Variants in EPC2 observed in about 807,000 individuals in gnomAD.
EPC2 encodes enhancer of polycomb 2.
In EPC2, 14 loss-of-function variants were observed where a neutral mutation model predicts 92.1. The ratio of observed to expected loss-of-function variants is 0.15; its 90% CI spans 0.10 to 0.24. The LOEUF (loss-of-function observed/expected upper bound fraction) is 0.24, where lower values mean the gene tolerates loss of function less well. EPC2 is among the 10% of genes least tolerant of loss of function. The pLI is 1.00. For synonymous variants in EPC2, 340 were observed against 334.7 expected (o/e 1.02, Z -0.17); for missense variants, 755 against 971.5 (o/e 0.78, Z 2.96).
At chr2:148,724,483 T>TAA (rs1474626752) in intron 2 of EPC2, among the ~76,000 whole-genome samples, 1 of 152,088 alleles carries the variant, frequency 6.6e-6, no homozygotes, top group East Asian at 1.9e-4. Context: ...TAATTTTTTT[T>TAA]AAAGTCTCGT....
chr2:148,665,034 T>C (rs1681031337), intron 1 of EPC2, among the ~76,000 whole-genome samples: 3 of 152,224 alleles, frequency 2.0e-5, no homozygotes, highest in Non-Finnish European at 1.5e-5. Context: ...ACCATAAAGA[T>C]ACTTTGAGAC....
chr2:148,678,173 G>A (rs568733018), intron 1 of EPC2, among the ~76,000 whole-genome samples: 3 of 152,264 alleles, frequency 2.0e-5, no homozygotes, highest in Non-Finnish European at 4.4e-5. Context: ...GATACAGAGT[G>A]TTGATTGGTG....
intron 2 of EPC2, among the ~76,000 whole-genome samples, chr2:148,690,920 C>T (rs367814689): frequency 1.1e-4 from 17 of 152,312 alleles, no homozygotes; most frequent in African/African-American, 4.1e-4. Context: ...ACCTCGGCCT[C>T]CCAGAGTGCT....
At chr2:148,663,216 T>C (rs1180714560) in intron 1 of EPC2, among the ~76,000 whole-genome samples, 2 of 146,760 alleles carry the variant, frequency 1.4e-5, no homozygotes, top group Non-Finnish European at 3.0e-5. Context: ...TTATTATTAT[T>C]ATTATTATTA....
chr2:148,702,789 A>G (rs1302494026), intron 2 of EPC2, among the ~76,000 whole-genome samples: 1 of 152,054 alleles, frequency 6.6e-6, no homozygotes, highest in Non-Finnish European at 1.5e-5. Context: ...ATGCAGTCCA[A>G]CCCAATTCGT....
Position 148,782,049 on chromosome 2 carries a change from T to C in EPC2, c.1857+269T>C, listed in dbSNP as rs531784173. 9.9e-5 allele frequency among the ~76,000 whole-genome samples: 15 copies of C among 152,280 alleles called. No homozygotes were observed. In the South Asian group the frequency reaches 2.9e-3, roughly 29 times the overall value. ...GAGAATTTATAGAAGTAATTATATA[T>C]GTAGTTGTAAGAATCATTCTCCACC... On this transcript the variant is annotated intron_variant, in intron 11 of 13. Transcript: ENST00000258484.
intron 10 of EPC2, among the ~76,000 whole-genome samples, chr2:148,778,224 C>G (rs1195940910): frequency 6.6e-6 from 1 of 152,110 alleles, no homozygotes; most frequent in Non-Finnish European, 1.5e-5. Context: ...AACTTAAGAT[C>G]AACTAGTGAA....
At chr2:148,659,420 TA>T (rs1355606925) in intron 1 of EPC2, among the ~76,000 whole-genome samples, 2 of 152,180 alleles carry the variant, frequency 1.3e-5, no homozygotes, top group African/African-American at 4.8e-5. Flanking sequence ...CACAAAGGTT[TA>T]AATTTTCTGA....
chr2:148,677,662 T>G (rs371135055), intron 1 of EPC2, among the ~76,000 whole-genome samples: 2 of 152,116 alleles, frequency 1.3e-5, no homozygotes, highest in Non-Finnish European at 2.9e-5. Context: ...GTGTTACAGT[T>G]CTTAAAGGTG....
intron 1 of EPC2, among the ~76,000 whole-genome samples, chr2:148,669,660 A>G (rs1336856863): frequency 6.6e-6 from 1 of 152,142 alleles, no homozygotes; most frequent in Non-Finnish European, 1.5e-5. Context: ...CATCCAAAAG[A>G]GTTTGAGGGA....
At chr2:148,768,694 T>C (rs1683462096) in intron 7 of EPC2, among the ~76,000 whole-genome samples, 1 of 152,182 alleles carries the variant, frequency 6.6e-6, no homozygotes, top group African/African-American at 2.4e-5. Context: ...TTTTTTGTTG[T>C]GGTGATTTTT....
At chr2:148,759,510 T>C (rs1394969073) in intron 4 of EPC2, among the ~76,000 whole-genome samples, 1 of 152,224 alleles carries the variant, frequency 6.6e-6, no homozygotes, top group Non-Finnish European at 1.5e-5. Context: ...ATAAAGTTTA[T>C]ATGTATAAAG....
At chr2:148,653,189 A>G (rs759854635) in intron 1 of EPC2, among the ~76,000 whole-genome samples, 1 of 152,236 alleles carries the variant, frequency 6.6e-6, no homozygotes, top group Non-Finnish European at 1.5e-5. Context: ...TTAAGTGATA[A>G]AAAGTTTGTA....
At chr2:148,705,225 G>A (rs1190773795) in intron 2 of EPC2, among the ~76,000 whole-genome samples, 1 of 151,824 alleles carries the variant, frequency 6.6e-6, no homozygotes, top group African/African-American at 2.4e-5. Context: ...CTGGCCTTAG[G>A]GCTGTCTATA....
chr2:148,690,233 C>T lies in EPC2; in HGVS notation c.173C>T (p.Ala58Val), dbSNP rs1574584322. Reference protein sequence around the residue: ...EEESEHHLQRAISAQQVFREK... With the variant: ...EEESEHHLQRVISAQQVFREK... ...TTCCAGGAACATCATTTACAGCGAG[C>T]AATTTCAGCACAGCAAGTGTTTAGA... Residue 58 changes from alanine (A) to valine (V), a missense_variant, in exon 2 of 14, where the codon GCA becomes GTA. Ala to Val is a moderately conservative substitution (Grantham distance 64, BLOSUM62 0). This residue lies in a region of EPC2 where 36 missense variants were observed against 84.0 expected (regional missense o/e 0.43). Transcript: ENST00000258484. 6.2e-7 allele frequency: 1 copy of T among 1,600,236 alleles called. No homozygotes were observed. Among genetic ancestry groups the T allele is most frequent in the Admixed American group, 1.8e-5 (1 of 56,056 alleles).
chr2:148,783,852 G>A (rs1683806402), intron 12 of EPC2, 96 bp downstream of exon 12: 1 of 1,226,078 alleles, frequency 8.2e-7, no homozygotes, highest in African/African-American at 1.5e-5. Context: ...GGGAAAATGT[G>A]TATAAGTCAA....
intron 7 of EPC2, among the ~76,000 whole-genome samples, chr2:148,767,708 A>G (rs1283841994): frequency 1.3e-5 from 2 of 152,202 alleles, no homozygotes; most frequent in East Asian, 3.9e-4. Context: ...GAACAGAGCT[A>G]AAACTCTGCC....
Position 148,771,171 on chromosome 2 carries a change from G to A in EPC2, c.1504G>A (p.Ala502Thr), listed in dbSNP as rs1232730644. The change falls in exon 10 of 14, where the codon GCT becomes ACT. Residue 502 changes from alanine (A) to threonine (T), a missense_variant. Transcript: ENST00000258484. ...DFSSNFSRTNASSKHCENRLS... is the reference protein window; with the variant it reads ...DFSSNFSRTNTSSKHCENRLS... Reference sequence around the variant, plus strand: ...TTCTTCTAATTTCTCTCGGACCAATGCTTCCAGTAAACATTGTGAAAATAG... The same window carrying A: ...TTCTTCTAATTTCTCTCGGACCAATACTTCCAGTAAACATTGTGAAAATAG... 6.2e-7 allele frequency: 1 copy of A among 1,613,928 alleles called. No homozygotes were observed. The highest frequency in any genetic ancestry group is 1.7e-5 in the Admixed American group (1 of 60,022).
intron 4 of EPC2, among the ~76,000 whole-genome samples, chr2:148,757,630 G>T (rs1683218147): frequency 6.6e-6 from 1 of 151,974 alleles, no homozygotes; most frequent in Non-Finnish European, 1.5e-5. Context: ...CTGAGGTCGG[G>T]AGTTCAAGAC....
Sources: gnomAD v4.1 joint callset for allele counts (sites outside exome capture counted in the v4.1 genomes callset) on GRCh38, gnomAD v4.1.1 for gene constraint, gnomAD v4.1.1 regional missense constraint, MANE v1.5 for transcripts, NCBI Gene and HGNC (gene_info 2026-07-23, HGNC 2026-07-21) for gene names.